Variants in DTX2 observed in about 807,000 individuals in gnomAD.
DTX2 encodes the protein probable E3 ubiquitin-protein ligase DTX2.
DTX2 carries 29 observed loss-of-function variants against 55.3 expected under a neutral mutation model. That is an observed-to-expected ratio of 0.52 (90% confidence interval 0.39 to 0.71). The LOEUF is 0.71. Among genes scored for constraint, DTX2 ranks in the 30% least tolerant of loss-of-function variants. The probability of loss-of-function intolerance (pLI) is 0.00; values close to 1 mark genes in which losing one functional copy is unlikely to be tolerated. For synonymous variants in DTX2, 276 were observed against 340.4 expected, an observed-to-expected ratio of 0.81 and a Z score of 2.08; for missense variants, 537 against 822.5, an observed-to-expected ratio of 0.65 and a Z score of 4.25.
chr7:76,468,269 G>A (rs1472434025), intron 2 of DTX2, among the ~76,000 whole-genome samples: 1 of 151,880 alleles, frequency 6.6e-6, no homozygotes, highest in Non-Finnish European at 1.5e-5. Context: ...CAGAGGGCAG[G>A]GCGTGTTGTT....
chr7:76,482,773 G>T lies in DTX2; in HGVS notation c.534G>T (p.Pro178=), dbSNP rs772031003. The T allele has an allele frequency of 1.1e-5, 18 of 1,613,736 alleles. No homozygotes were observed. Among genetic ancestry groups the T allele is most frequent in the Non-Finnish European group, 1.4e-5 (16 of 1,179,834 alleles). ...GCAGCGTGCGGCGCCAAGCAGGGCC[G>T]CCTTACCCGGTGACCACCATCATCG... ...FCRSVRRQAG[P]PYPVTTIIAP... is the part of the protein sequence containing the mutation. Residue 178 remains proline (P), a synonymous_variant, in exon 4 of 11, where the codon CCG becomes CCT. Coordinates refer to ENST00000430490, the MANE Select transcript of DTX2 (RefSeq NM_001102594.3).
intron 9 of DTX2, among the ~76,000 whole-genome samples, chr7:76,504,112 G>GGGCAGCA (rs1175212615): frequency 1.4e-5 from 2 of 138,890 alleles, no homozygotes; most frequent in Non-Finnish European, 3.2e-5. Flanking sequence ...GAAGATAACG[G>GGGCAGCA]GGCAGCAGGC....
chr7:76,505,642 T>G lies in DTX2; in HGVS notation c.*41T>G. ...CGCCCGCCTCTGGTGGCCACCCCGC[T>G]GCCCCATGGCTGGCTGGGTGGCCAG... On this transcript the variant is annotated 3_prime_UTR_variant, in exon 11 of 11. Coordinates refer to ENST00000430490, the MANE Select transcript of DTX2 (RefSeq NM_001102594.3). The surrounding 1 kb of genome is among the most constrained non-coding windows in gnomAD (Gnocchi z 4.4). 6.6e-7 allele frequency: 1 copy of G among 1,523,394 alleles called. No homozygotes were observed. The highest frequency in any genetic ancestry group is 8.8e-7 in the Non-Finnish European group (1 of 1,135,124). The allele number at this position is 1,523,394 out of a possible 1,614,324, so 94.4% of individuals were successfully genotyped here. A position where few individuals can be genotyped will look rare whatever the true frequency, so the allele number is the denominator to read the frequency against.
chr7:76,491,302 T>G (rs1433361983), intron 4 of DTX2, among the ~76,000 whole-genome samples: 1 of 147,806 alleles, frequency 6.8e-6, no homozygotes, highest in Non-Finnish European at 1.5e-5. Flanking sequence ...AGCCATTTTT[T>G]TTTTTTTTTT....
chr7:76,482,733 C>T lies in DTX2; in HGVS notation c.494C>T (p.Thr165Ile). ...NYTTHTQTNK[T>I]SSFCRSVRRQ... ...ACCACCCACACGCAGACCAACAAGA[C>T]TTCCAGCTTCTGCCGCAGCGTGCGG... is the stretch of plus-strand genomic sequence containing the variant. Residue 165 changes from threonine to isoleucine, a missense_variant, in exon 4 of 11, where the codon ACT (threonine) becomes ATT (isoleucine). This residue lies in a region of DTX2 where 301 missense variants were observed against 396.6 expected (regional missense o/e 0.76). Transcript: ENST00000430490. 1 of 1,613,918 alleles carries T rather than the reference C, an allele frequency of 6.2e-7. No individual in the cohort carries two copies. The highest frequency in any genetic ancestry group is 8.5e-7 in the Non-Finnish European group (1 of 1,179,824).
Position 76,480,711 on chromosome 7 carries a change from G to T in DTX2, c.202G>T (p.Ala68Ser). The T allele has an allele frequency of 6.2e-7, 1 of 1,613,540 alleles. No homozygotes were observed. The highest frequency in any genetic ancestry group is 2.2e-5 in the East Asian group (1 of 44,866). ...GGCCCACAGCATCCCCTTGGGCCAG[G>T]CAGACCCCTCGCTGGCCCCTTACAT... ...SLAHSIPLGQ[A>S]DPSLAPYIID... Residue 68 changes from alanine (A) to serine (S), a missense_variant, in exon 3 of 11, where the codon GCA becomes TCA. Around this residue, in one of 7 missense-constraint regions of DTX2, gnomAD observed 301 missense variants for 396.6 expected, o/e 0.76. Coordinates refer to ENST00000430490, the MANE Select transcript of DTX2 (RefSeq NM_001102594.3).
rs1327980390 is a variant in DTX2 at position 76,498,871 on chromosome 7, G to A, written c.1150+1394G>A. Among the ~76,000 whole-genome samples the A allele has an allele frequency of 2.3e-4, 24 of 102,150 alleles. 1 individual carries two copies. In the South Asian group the frequency reaches 3.3e-3, roughly 14 times the overall value. 67.0% of individuals were successfully genotyped at this position (102,150 alleles called of 152,430 possible). ...GGTGTGTGGAGGTGAGGGTGTGTGG[G>A]GTGTGTGGAGGTGTGGGGTGTATGG... On this transcript the variant is annotated intron_variant, in intron 6 of 10. Transcript: ENST00000430490.
rs369153706 is a variant in DTX2, at chr7:76,502,526, C to T, written c.1389+70C>T. On this transcript the variant is annotated intron_variant, in intron 8 of 10. Coordinates refer to ENST00000430490, the MANE Select transcript of DTX2 (RefSeq NM_001102594.3). ...AGTCCTGAGCTGTCCCCTGCAGGGGCGGGAGGGTTCCGGGGGTGGCTGTAG... is the reference window on the plus strand; with the variant it reads ...AGTCCTGAGCTGTCCCCTGCAGGGGTGGGAGGGTTCCGGGGGTGGCTGTAG... The T allele has an allele frequency of 3.7e-3, 5,625 of 1,521,470 alleles. 80 individuals carry two copies. The highest frequency in any genetic ancestry group is 0.037 in the African/African-American group (2,699 of 73,110). The allele number at this position is 1,521,470 out of a possible 1,614,324, so 94.2% of individuals were successfully genotyped here. A position where few individuals can be genotyped will look rare whatever the true frequency, so the allele number is the denominator to read the frequency against.
At chr7:76,475,198 C>G (rs565972136) in intron 2 of DTX2, among the ~76,000 whole-genome samples, 10 of 151,560 alleles carry the variant, frequency 6.6e-5, no homozygotes, top group East Asian at 3.9e-4. Context: ...GTAATCCCAG[C>G]TACTTGGAAG....
At position 76,483,266 on chromosome 7, in the gene DTX2, C is replaced by T. The variant is rs974972772; in HGVS notation, c.908+119C>T. 14 of 1,250,950 alleles carry T rather than the reference C, an allele frequency of 1.1e-5. No individual in the cohort carries two copies. In the African/African-American group the frequency reaches 1.7e-4, roughly 15 times the overall value. The allele number at this position is 1,250,950 out of a possible 1,614,324, so 77.5% of individuals were successfully genotyped here. The stretch of plus-strand genomic sequence containing the variant: ...CCCCTAGGTGGTCCTGCCGTGGCAT[C>T]TCATTTGCATGTGGCATGTGGGTGC... On this transcript the variant is annotated intron_variant, in intron 4 of 10. Transcript: ENST00000430490.
At chr7:76,483,193 C>T in intron 4 of DTX2, 46 bp downstream of exon 4, 1 of 1,588,294 alleles carries the variant, frequency 6.3e-7, no homozygotes, top group Non-Finnish European at 8.5e-7. Flanking sequence ...TGTGTTTCCG[C>T]TCTTAGCCGG....
chr7:76,471,439 G>C (rs1215196839), intron 2 of DTX2, among the ~76,000 whole-genome samples: 1 of 151,020 alleles, frequency 6.6e-6, no homozygotes, highest in East Asian at 2.0e-4. Flanking sequence ...GGGATTACAG[G>C]TGTGAGCCAC....
intron 4 of DTX2, among the ~76,000 whole-genome samples, chr7:76,487,802 G>C (rs2116453598): frequency 1.0e-5 from 1 of 95,714 alleles, no homozygotes; most frequent in East Asian, 2.8e-4. Context: ...GGGATCTCCT[G>C]GAGATGGTCA....
chr7:76,468,307 C>T (rs1468845356), intron 2 of DTX2, among the ~76,000 whole-genome samples: 60 of 151,028 alleles, frequency 4.0e-4, no homozygotes, highest in African/African-American at 1.2e-3. Context: ...GCAGAGCACT[C>T]TCTCACTTTT....
chr7:76,498,415 C>A (rs1368837342), intron 6 of DTX2, among the ~76,000 whole-genome samples: 1 of 151,644 alleles, frequency 6.6e-6, no homozygotes, highest in East Asian at 2.0e-4. Flanking sequence ...GAGCCAGACT[C>A]GTTGGCAGCC....
At position 76,503,531 on chromosome 7, in the gene DTX2, G is replaced by A. The variant is rs372228863; in HGVS notation, c.1495G>A (p.Gly499Ser). The change falls in exon 9 of 11, where the codon GGC (glycine) becomes AGC (serine). Residue 499 changes from glycine (G) to serine (S), a missense_variant. Transcript: ENST00000430490. ...ATTACGGTTCCAGATGTCGCTCCCC[G>A]GCCACGAGGACTGCGGGACCATCCT... ...EVLRFQMSLP[G>S]HEDCGTILIV... 1.9e-5 allele frequency: 31 copies of A among 1,612,648 alleles called. No homozygotes were observed. Among genetic ancestry groups the A allele is most frequent in the Admixed American group, 1.0e-4 (6 of 59,974 alleles).
chr7:76,503,615 C>T (rs1811989068), intron 9 of DTX2, 28 bp downstream of exon 9: 2 of 1,589,982 alleles, frequency 1.3e-6, no homozygotes, highest in African/African-American at 1.3e-5. Flanking sequence ...GTCCCCCACT[C>T]CTGGCCACTC....
chr7:76,491,518 T>C (rs2116485221), intron 4 of DTX2, among the ~76,000 whole-genome samples: 1 of 82,330 alleles, frequency 1.2e-5, no homozygotes, highest in South Asian at 4.0e-4. Flanking sequence ...CTCCTGACCT[T>C]GTGATCCACC....
At chr7:76,466,597 T>G (rs1807210574) in intron 2 of DTX2, among the ~76,000 whole-genome samples, 1 of 151,906 alleles carries the variant, frequency 6.6e-6, no homozygotes, top group African/African-American at 2.4e-5. Context: ...TGTCTCTTTT[T>G]TTTTTTTCTT....
Sources: gnomAD v4.1 joint callset for allele counts (sites outside exome capture counted in the v4.1 genomes callset) on GRCh38, gnomAD v4.1.1 for gene constraint, gnomAD v4.1.1 regional missense constraint, Gnocchi (gnomAD v3.1) non-coding constraint, MANE v1.5 for transcripts, NCBI Gene and HGNC (gene_info 2026-07-23, HGNC 2026-07-21) for gene names.